The following EDA variants were observed in gnomAD, a reference collection of about 807,000 sequenced individuals.
EDA encodes ectodysplasin A.
EDA carries 2 observed loss-of-function variants against 23.6 expected under a neutral mutation model. That is an observed-to-expected ratio of 0.08 (90% CI 0.03 to 0.27). EDA has a LOEUF of 0.27. Among genes scored for constraint, EDA ranks in the 10% least tolerant of loss-of-function variants. The pLI is 1.00. For synonymous variants in EDA, 131 were observed against 132.0 expected (o/e 0.99, Z 0.05); for missense variants, 229 against 324.2 (o/e 0.71, Z 2.26).
intron 2 of EDA, among the ~76,000 whole-genome samples, chrX:70,010,864 T>C (rs1043047616): frequency 3.6e-5 from 4 of 111,240 alleles, no homozygotes; most frequent in South Asian, 3.9e-4. Context: ...GTGAGACTTA[T>C]TCACTACCAC....
At chrX:69,782,893 T>C (rs928549105) in intron 1 of EDA, among the ~76,000 whole-genome samples, 44 of 111,916 alleles carry the variant, frequency 3.9e-4, no homozygotes, top group African/African-American at 1.4e-3. Context: ...CATGTGGTGT[T>C]TTCTCCTTCC....
At chrX:69,885,858 G>A (rs2017821038) in intron 1 of EDA, among the ~76,000 whole-genome samples, 1 of 111,952 alleles carries the variant, frequency 8.9e-6, no homozygotes, top group Admixed American at 9.4e-5. Context: ...GAGGCCCAGG[G>A]GAATTATGCA....
intron 2 of EDA, among the ~76,000 whole-genome samples, chrX:69,960,749 C>T (rs2019087721): frequency 9.1e-6 from 1 of 109,959 alleles, no homozygotes; most frequent in South Asian, 3.9e-4. Flanking sequence ...TCAGGTTTGC[C>T]TCACAAGTGT....
chrX:69,980,308 C>T (rs1334971509), intron 2 of EDA, among the ~76,000 whole-genome samples: 1 of 111,594 alleles, frequency 9.0e-6, no homozygotes, highest in African/African-American at 3.3e-5. Context: ...TATGTCTGTG[C>T]CTTAACATCG....
chrX:69,987,302 T>A (rs1349237727), intron 2 of EDA, among the ~76,000 whole-genome samples: 3 of 82,098 alleles, frequency 3.7e-5, no homozygotes, highest in East Asian at 2.7e-3. Context: ...AAAAAAAAAT[T>A]TTTTTTTTTA....
At chrX:70,011,589 A>T (rs1366874106) in intron 2 of EDA, among the ~76,000 whole-genome samples, 1 of 111,260 alleles carries the variant, frequency 9.0e-6, no homozygotes, top group Non-Finnish European at 1.9e-5. Context: ...TCTATTAAGA[A>T]CAAGTAAAAT....
At chrX:69,801,497 A>T (rs998763666) in intron 1 of EDA, among the ~76,000 whole-genome samples, 4 of 111,499 alleles carry the variant, frequency 3.6e-5, no homozygotes, top group African/African-American at 1.3e-4. Flanking sequence ...TAAACTGAGG[A>T]TCACTCATAA....
chrX:69,800,850 C>T lies in EDA; in HGVS notation c.397-156177C>T, dbSNP rs186551049. On this transcript the variant is annotated intron_variant, in intron 1 of 7. Transcript: ENST00000374552. ...ACCTGAGAAGTTCGTGTTAAAGAGT[C>T]TCATAAAGTCTCATATTATCTGTGA... 1.6e-3 allele frequency among the ~76,000 whole-genome samples: 184 copies of T among 111,589 alleles called. 2 individuals are homozygous for T. The South Asian group carries it at 0.023, about 14-fold the overall frequency.
intron 2 of EDA, among the ~76,000 whole-genome samples, chrX:69,997,064 G>A (rs781472068): frequency 8.9e-6 from 1 of 111,932 alleles, no homozygotes; most frequent in Non-Finnish European, 1.9e-5. Flanking sequence ...GCAGAATGGG[G>A]TGTTGCTGAA....
chrX:69,678,373 C>T (rs762271409), intron 1 of EDA, among the ~76,000 whole-genome samples: 1 of 111,507 alleles, frequency 9.0e-6, no homozygotes, highest in South Asian at 3.9e-4. Context: ...TCATTGGTAG[C>T]TTGATGGGGA....
chrX:69,954,935 T>A lies in EDA; in HGVS notation c.397-2092T>A, dbSNP rs940568371. ...AAACATACCATATTTGGTTTTCTGT[T>A]CCTGCATTAGTTTGCTAAGGATAAT... On this transcript the variant is annotated intron_variant, in intron 1 of 7. Coordinates refer to ENST00000374552, the MANE Select transcript of EDA (RefSeq NM_001399.5). Among the ~76,000 whole-genome samples, 9 of 112,005 alleles carry A rather than the reference T, an allele frequency of 8.0e-5. No individual in the cohort carries two copies. In the Admixed American group the frequency reaches 8.6e-4, roughly 11 times the overall value.
Position 69,731,511 on chromosome X carries a change from G to A in EDA, c.396+114807G>A, listed in dbSNP as rs142302031. Among the ~76,000 whole-genome samples, 857 of 108,287 alleles carry A rather than the reference G, an allele frequency of 7.9e-3. 6 individuals carry two copies. The highest frequency in any genetic ancestry group is 0.027 in the African/African-American group (814 of 29,661). The allele number at this position is 108,287 out of a possible 115,157, so 94.0% of individuals were successfully genotyped here. On this transcript the variant is annotated intron_variant, in intron 1 of 7. Transcript: ENST00000374552. Reference sequence around the variant, plus strand: ...GGCTGGAGTACAGTAGCGTGATCTCGGCTCACTGCAACCTCCGCCTCCCGG... The same window carrying A: ...GGCTGGAGTACAGTAGCGTGATCTCAGCTCACTGCAACCTCCGCCTCCCGG...
chrX:69,759,762 A>G (rs1361108376), intron 1 of EDA, among the ~76,000 whole-genome samples: 1 of 110,585 alleles, frequency 9.0e-6, no homozygotes, highest in Non-Finnish European at 1.9e-5. Flanking sequence ...TTGGAGAGGG[A>G]GTGGCCCAGG....
chrX:69,821,735 G>T (rs1218595306), intron 1 of EDA, among the ~76,000 whole-genome samples: 1 of 111,797 alleles, frequency 8.9e-6, no homozygotes, highest in Non-Finnish European at 1.9e-5. Flanking sequence ...TGGTAGCATG[G>T]CATTTGTGCC....
At chrX:69,640,736 C>T (rs920168574) in intron 1 of EDA, among the ~76,000 whole-genome samples, 3 of 111,130 alleles carry the variant, frequency 2.7e-5, no homozygotes, top group Non-Finnish European at 5.7e-5. Context: ...GTAGGCAGCT[C>T]TTTAGGTCTG....
At chrX:70,027,634 C>A (rs1236650400) in intron 3 of EDA, among the ~76,000 whole-genome samples, 3 of 110,571 alleles carry the variant, frequency 2.7e-5, no homozygotes, top group Non-Finnish European at 5.7e-5. Context: ...ACCAACCTGG[C>A]CGACATGGTG....
At chrX:69,644,932 G>A (rs748037264) in intron 1 of EDA, among the ~76,000 whole-genome samples, 40 of 111,870 alleles carry the variant, frequency 3.6e-4, no homozygotes, top group Non-Finnish European at 6.0e-4. Flanking sequence ...ATTTGTGTAC[G>A]TTGAACCAAC....
intron 1 of EDA, among the ~76,000 whole-genome samples, chrX:69,876,893 A>G (rs1488512549): frequency 8.9e-6 from 1 of 112,744 alleles, no homozygotes; most frequent in Non-Finnish European, 1.9e-5. Context: ...AACTGTTATA[A>G]ACATTTATTT....
intron 1 of EDA, among the ~76,000 whole-genome samples, chrX:69,826,228 A>G (rs886646493): frequency 5.4e-5 from 6 of 111,200 alleles, no homozygotes; most frequent in Admixed American, 1.9e-4. Context: ...CTTGTTGCAG[A>G]GCTGAGTTCA....
Sources: gnomAD v4.1 joint callset for allele counts (sites outside exome capture counted in the v4.1 genomes callset) on GRCh38, gnomAD v4.1.1 for gene constraint, MANE v1.5 for transcripts, NCBI Gene and HGNC (gene_info 2026-07-23, HGNC 2026-07-21) for gene names.